The following RNF169 variants were observed in gnomAD, a reference collection of about 807,000 sequenced individuals.
RNF169 encodes ring finger protein 169, also known as E3 ubiquitin-protein ligase RNF169.
Under a neutral mutation model 53.9 loss-of-function variants are expected in RNF169, and 24 were observed. The ratio of observed to expected loss-of-function variants is 0.45; its 90% CI spans 0.32 to 0.63. The LOEUF is 0.63. RNF169 is among the 20% of genes least tolerant of loss of function. The probability of loss-of-function intolerance (pLI) is 0.04; values close to 1 mark genes in which losing one functional copy is unlikely to be tolerated. For synonymous variants in RNF169, 396 were observed against 363.5 expected (o/e 1.09, Z -1.02); for missense variants, 883 against 906.2 (o/e 0.97, Z 0.33).
chr11:74,756,983 C>T (rs977300349), intron 1 of RNF169, among the ~76,000 whole-genome samples: 7 of 148,426 alleles, frequency 4.7e-5, no homozygotes, highest in South Asian at 2.2e-4. Context: ...TAATAAAGAA[C>T]GGCAATTCTT....
At chr11:74,797,722 C>T (rs1459473538) in intron 2 of RNF169, among the ~76,000 whole-genome samples, 2 of 152,134 alleles carry the variant, frequency 1.3e-5, no homozygotes, top group Admixed American at 6.5e-5. Flanking sequence ...CACAGTGGCT[C>T]ACATCCCAGC....
At chr11:74,826,240 C>T (rs925605494) in intron 4 of RNF169, among the ~76,000 whole-genome samples, 7 of 152,144 alleles carry the variant, frequency 4.6e-5, no homozygotes, top group African/African-American at 1.2e-4. Flanking sequence ...ACATGAGAAT[C>T]GCTTGAACCT....
intron 1 of RNF169, among the ~76,000 whole-genome samples, chr11:74,776,005 A>G (rs78333324): frequency 0.022 from 3,284 of 152,302 alleles, 116 homozygotes; most frequent in African/African-American, 0.075. Context: ...TCATCTTTAA[A>G]TATGCCACTC....
rs376416030 is a variant in RNF169, at chr11:74,835,697, G to A, written c.1094G>A (p.Arg365His). ...SSLASLHKPERSVSPESNDSI... is the reference protein window; with the variant it reads ...SSLASLHKPEHSVSPESNDSI... ...TTGGCTTCCCTGCATAAGCCAGAGC[G>A]TTCTGTCAGCCCTGAGAGCAATGAC... The change falls in exon 6 of 6, where the codon CGT becomes CAT. Residue 365 changes from arginine to histidine, a missense_variant. Coordinates refer to ENST00000299563, the MANE Select transcript of RNF169 (RefSeq NM_001098638.2). The A allele has an allele frequency of 1.6e-4, 252 of 1,613,918 alleles. No homozygotes were observed. Among genetic ancestry groups the A allele is most frequent in the Admixed American group, 2.2e-4 (13 of 59,990 alleles).
chr11:74,833,848 C>G (rs1307325374), intron 4 of RNF169, among the ~76,000 whole-genome samples: 2 of 152,088 alleles, frequency 1.3e-5, no homozygotes, highest in African/African-American at 4.8e-5. Context: ...CACATATGAT[C>G]CTGGGACAAC....
intron 1 of RNF169, among the ~76,000 whole-genome samples, chr11:74,768,453 A>G (rs1400846885): frequency 1.3e-5 from 2 of 152,062 alleles, no homozygotes; most frequent in African/African-American, 2.4e-5. Context: ...CTGAAAATAC[A>G]AAAATTAGTC....
At chr11:74,822,555 G>A (rs1230634465) in intron 4 of RNF169, among the ~76,000 whole-genome samples, 1 of 152,202 alleles carries the variant, frequency 6.6e-6, no homozygotes, top group Non-Finnish European at 1.5e-5. Flanking sequence ...TGGCAGAGTA[G>A]AGTAAGTTAG....
intron 4 of RNF169, among the ~76,000 whole-genome samples, chr11:74,828,019 A>G (rs1388812535): frequency 1.3e-5 from 2 of 152,342 alleles, no homozygotes; most frequent in African/African-American, 2.4e-5. Flanking sequence ...AGGGTATTCA[A>G]ATAGGAAGAG....
At chr11:74,754,318 A>G (rs1393763529) in intron 1 of RNF169, among the ~76,000 whole-genome samples, 1 of 152,234 alleles carries the variant, frequency 6.6e-6, no homozygotes, top group Non-Finnish European at 1.5e-5. Flanking sequence ...AATGAATTTT[A>G]AGAATTCATT....
chr11:74,781,986 A>G (rs1400215615), intron 1 of RNF169, among the ~76,000 whole-genome samples: 1 of 152,194 alleles, frequency 6.6e-6, no homozygotes, highest in Non-Finnish European at 1.5e-5. Context: ...AACCACTGTA[A>G]TGATGCTACT....
At chr11:74,777,084 T>C (rs979466093) in intron 1 of RNF169, among the ~76,000 whole-genome samples, 8 of 152,204 alleles carry the variant, frequency 5.3e-5, no homozygotes, top group African/African-American at 1.7e-4. Context: ...CAGTTACTTA[T>C]CATTGAATGC....
intron 3 of RNF169, among the ~76,000 whole-genome samples, chr11:74,813,795 A>G (rs547318132): frequency 1.1e-4 from 17 of 152,168 alleles, no homozygotes; most frequent in South Asian, 6.2e-4. Flanking sequence ...GGTTCAATCA[A>G]TTCTCCTGCC....
intron 4 of RNF169, chr11:74,832,635 A>G (rs751266437): frequency 1.9e-4 from 29 of 152,266 alleles, no homozygotes; most frequent in East Asian, 5.8e-4. Context: ...GAACTGCTCT[A>G]TTGAAAGTTA....
intron 1 of RNF169, among the ~76,000 whole-genome samples, chr11:74,756,675 A>T (rs1295390427): frequency 6.6e-6 from 1 of 152,214 alleles, no homozygotes; most frequent in Non-Finnish European, 1.5e-5. Flanking sequence ...ATTTAAAGGC[A>T]TAGGAACATG....
intron 3 of RNF169, among the ~76,000 whole-genome samples, chr11:74,811,946 A>G (rs1441255600): frequency 6.6e-6 from 1 of 152,202 alleles, no homozygotes; most frequent in Non-Finnish European, 1.5e-5. Context: ...GTTCTACCCT[A>G]TTAGGGTCCT....
intron 4 of RNF169, among the ~76,000 whole-genome samples, chr11:74,827,027 C>T (rs2036108481): frequency 6.6e-6 from 1 of 152,212 alleles, no homozygotes; most frequent in Non-Finnish European, 1.5e-5. Flanking sequence ...TAGGCAGTGC[C>T]CCAATGGGGA....
intron 1 of RNF169, among the ~76,000 whole-genome samples, chr11:74,776,034 T>C (rs1449239364): frequency 1.3e-5 from 2 of 152,206 alleles, no homozygotes. Flanking sequence ...TGATACTTTA[T>C]AGCCTGACCA....
intron 4 of RNF169, among the ~76,000 whole-genome samples, chr11:74,823,213 A>G (rs2036041491): frequency 6.6e-6 from 1 of 152,176 alleles, no homozygotes; most frequent in African/African-American, 2.4e-5. Context: ...TGATCTTTTC[A>G]GTAGTGCCAT....
At chr11:74,769,081 TAAG>T (rs2035219748) in intron 1 of RNF169, among the ~76,000 whole-genome samples, 1 of 151,930 alleles carries the variant, frequency 6.6e-6, no homozygotes, top group African/African-American at 2.4e-5. Flanking sequence ...AGAGATTAAG[TAAG>T]AAGACCAACC....
Sources: gnomAD v4.1 joint callset for allele counts (sites outside exome capture counted in the v4.1 genomes callset) on GRCh38, gnomAD v4.1.1 for gene constraint, MANE v1.5 for transcripts, NCBI Gene and HGNC (gene_info 2026-07-23, HGNC 2026-07-21) for gene names.